RBFOX3: variants seen among roughly 807,000 people sequenced by gnomAD.
The protein encoded by RBFOX3 is RNA binding protein fox-1 homolog 3.
Under a neutral mutation model 48.7 loss-of-function variants are expected in RBFOX3, and 17 were observed. The ratio of observed to expected loss-of-function variants is 0.35; its 90% CI spans 0.24 to 0.52. The LOEUF (loss-of-function observed/expected upper bound fraction) is 0.52, where lower values mean the gene tolerates loss of function less well. Ranked by LOEUF, RBFOX3 falls within the 20% of genes least tolerant of loss-of-function variation. The pLI, the probability that RBFOX3 is intolerant of heterozygous loss-of-function variation, is 0.94. For missense variants in RBFOX3, 382 were observed against 497.5 expected (o/e 0.77, Z 2.21); for synonymous variants, 212 against 209.5 (o/e 1.01, Z -0.10).
At chr17:79,437,529 G>A (rs537492521) in intron 2 of RBFOX3, among the ~76,000 whole-genome samples, 45 of 152,310 alleles carry the variant, frequency 3.0e-4, no homozygotes, top group Middle Eastern at 3.4e-3. Context: ...GGCAGAGCCC[G>A]GGACACCCGG....
intron 3 of RBFOX3, among the ~76,000 whole-genome samples, chr17:79,262,884 G>A (rs913227592): frequency 1.2e-4 from 19 of 152,384 alleles, no homozygotes; most frequent in South Asian, 6.2e-4. Flanking sequence ...GCTGCAAAGC[G>A]CCAGCTCTGG....
At chr17:79,365,294 G>A (rs56366986) in intron 2 of RBFOX3, among the ~76,000 whole-genome samples, 15,922 of 152,214 alleles carry the variant, frequency 0.1, 943 homozygotes, top group Non-Finnish European at 0.13. Context: ...AGGGATGACT[G>A]TAACTGTGGG....
At chr17:79,202,108 G>C (rs1599948542) in intron 4 of RBFOX3, among the ~76,000 whole-genome samples, 1 of 152,158 alleles carries the variant, frequency 6.6e-6, no homozygotes, top group South Asian at 2.1e-4. Context: ...GCACTGACAG[G>C]CTTCCCCGGC....
Position 79,337,854 on chromosome 17 carries a change from T to C in RBFOX3, c.-174-30030A>G, listed in dbSNP as rs543323975. On this transcript the variant is annotated intron_variant, in intron 2 of 14. Transcript: ENST00000693108. ...ACACACACACAGAGTTCTTATAGCC[T>C]ACCTCTGAAAGAGAAGTGGCAGGCA... 2.0e-5 allele frequency among the ~76,000 whole-genome samples: 3 copies of C among 152,256 alleles called. 1 individual carries two copies. In the South Asian group the frequency reaches 6.2e-4, roughly 32 times the overall value.
chr17:79,246,346 C>T (rs184129905), intron 3 of RBFOX3, among the ~76,000 whole-genome samples: 7 of 152,336 alleles, frequency 4.6e-5, no homozygotes, highest in Admixed American at 3.9e-4. Flanking sequence ...CCCGACTGCT[C>T]GTGGACTGTG....
At chr17:79,623,823 TAAAA>T in the RBFOX3 span, among the ~76,000 whole-genome samples, 383 of 106,006 alleles carry the variant, frequency 3.6e-3, 5 homozygotes, top group African/African-American at 0.014. Context: ...ACTCTGTCTC[TAAAA>T]AAAAAAAAAA....
chr17:79,580,290 C>T (rs1410726289), intron 1 of RBFOX3, among the ~76,000 whole-genome samples: 4 of 135,758 alleles, frequency 2.9e-5, no homozygotes, highest in African/African-American at 1.1e-4. Flanking sequence ...CATCCTCCTC[C>T]TCCTCCTCCT....
At chr17:79,309,187 A>G (rs1464765327) in intron 2 of RBFOX3, among the ~76,000 whole-genome samples, 1 of 152,028 alleles carries the variant, frequency 6.6e-6, no homozygotes, top group Non-Finnish European at 1.5e-5. Flanking sequence ...GCCCACTAAG[A>G]CAGAGCCTCA....
rs1842890776 is a variant in RBFOX3 at position 79,610,882 on chromosome 17, A to ATCCCGGCTGCT, written c.-377_-376insAGCAGCCGGGA. On this transcript the variant is annotated 5_prime_UTR_variant, in exon 1 of 15. It adds an upstream start codon to the 5' untranslated region. Coordinates refer to ENST00000693108, the MANE Select transcript of RBFOX3 (RefSeq NM_001350451.2). ...GGGCCGGCGGCCATGCCCCGGCTGC[A>ATCCCGGCTGCT]TCCCGGCCGCCGAGCGGGCAGCGGC... Among the ~76,000 whole-genome samples the ATCCCGGCTGCT allele has an allele frequency of 6.6e-6, 1 of 151,498 alleles. No homozygotes were observed. Among genetic ancestry groups the ATCCCGGCTGCT allele is most frequent in the African/African-American group, 2.4e-5 (1 of 41,346 alleles).
rs539930259 is a variant in RBFOX3 at position 79,388,902 on chromosome 17, G to A, written c.-174-81078C>T. Among the ~76,000 whole-genome samples, 13 of 152,328 alleles carry A rather than the reference G, an allele frequency of 8.5e-5. No homozygotes were observed. In the South Asian group the frequency reaches 2.7e-3, roughly 32 times the overall value. On this transcript the variant is annotated intron_variant, in intron 2 of 14. Transcript: ENST00000693108. ...ATCACCATCCTCTCCCAGCGGCAGG[G>A]AACAGATTCCCTTAACTCCTCCCAG... is the stretch of plus-strand genomic sequence containing the variant.
At chr17:79,292,583 TGCACACACACACACAC>T (rs1485826571) in intron 3 of RBFOX3, among the ~76,000 whole-genome samples, 2 of 63,456 alleles carry the variant, frequency 3.2e-5, no homozygotes, top group African/African-American at 7.0e-5. Flanking sequence ...CACACACACA[TGCACACACACACACAC>T]GCACACACAC....
intron 9 of RBFOX3, 122 bp downstream of exon 9, chr17:79,101,462 G>C: frequency 1.1e-6 from 1 of 877,730 alleles, no homozygotes; most frequent in South Asian, 1.5e-5. Context: ...CCAGGGCTGG[G>C]ACACTGGGGA....
At chr17:79,529,367 G>A (rs2087330917) in intron 1 of RBFOX3, among the ~76,000 whole-genome samples, 1 of 152,226 alleles carries the variant, frequency 6.6e-6, no homozygotes, top group African/African-American at 2.4e-5. Flanking sequence ...TCCCAGGAAG[G>A]AAAGCATTTA....
chr17:79,166,528 G>A (rs1281030203), intron 4 of RBFOX3, among the ~76,000 whole-genome samples: 1 of 152,146 alleles, frequency 6.6e-6, no homozygotes, highest in Non-Finnish European at 1.5e-5. Flanking sequence ...GGAATGAGGG[G>A]GCTTCGGAAG....
At chr17:79,132,385 C>A (rs2039143593) in intron 4 of RBFOX3, among the ~76,000 whole-genome samples, 1 of 152,210 alleles carries the variant, frequency 6.6e-6, no homozygotes, top group Non-Finnish European at 1.5e-5. Flanking sequence ...GGCCTACAGC[C>A]CTATTCCATG....
At chr17:79,514,004 A>G (rs2084893464) in intron 1 of RBFOX3, among the ~76,000 whole-genome samples, 1 of 152,184 alleles carries the variant, frequency 6.6e-6, no homozygotes, top group South Asian at 2.1e-4. Context: ...CAATCCTTGA[A>G]GCACTGTGAT....
At position 79,413,656 on chromosome 17, in the gene RBFOX3, T is replaced by C. The variant is rs1353018917; in HGVS notation, c.-175+68798A>G. Among the ~76,000 whole-genome samples the C allele has an allele frequency of 2.0e-5, 3 of 152,302 alleles. No homozygotes were observed. In the South Asian group the frequency reaches 6.2e-4, roughly 32 times the overall value. ...GCGTTGCAGCCCCAGTGAGAGATCC[T>C]TCTGCAGGTGCACACCTGGGCGATG... On this transcript the variant is annotated intron_variant, in intron 2 of 14. Transcript: ENST00000693108.
At chr17:79,300,695 C>T (rs2145308887) in intron 3 of RBFOX3, among the ~76,000 whole-genome samples, 1 of 152,192 alleles carries the variant, frequency 6.6e-6, no homozygotes, top group Admixed American at 6.5e-5. Context: ...TGTTGTTTTG[C>T]CTGATGTGAT....
chr17:79,408,179 G>A (rs1292494466), intron 2 of RBFOX3, among the ~76,000 whole-genome samples: 6 of 152,166 alleles, frequency 3.9e-5, no homozygotes, highest in Admixed American at 6.5e-5. Context: ...GGCAGGCTGC[G>A]TATCTAGCAG....
Sources: gnomAD v4.1 joint callset for allele counts (sites outside exome capture counted in the v4.1 genomes callset) on GRCh38, gnomAD v4.1.1 for gene constraint, MANE v1.5 for transcripts, NCBI Gene and HGNC (gene_info 2026-07-23, HGNC 2026-07-21) for gene names.